RPIA: variants seen among roughly 807,000 people sequenced by gnomAD.
The protein encoded by RPIA is ribose 5-phosphate isomerase A.
In RPIA, 29 loss-of-function variants were observed where a neutral mutation model predicts 37.8. That is an observed-to-expected ratio of 0.77 (90% CI 0.57 to 1.05). The LOEUF (loss-of-function observed/expected upper bound fraction) is 1.05. RPIA is among the 50% of genes least tolerant of loss of function. The pLI is 0.00. For missense variants in RPIA, 385 were observed against 413.6 expected, an observed-to-expected ratio of 0.93 and a Z score of 0.60; for synonymous variants, 167 against 157.0, an observed-to-expected ratio of 1.06 and a Z score of -0.48.
At chr2:88,713,205 A>G (rs1553420217) in intron 3 of RPIA, among the ~76,000 whole-genome samples, 1 of 107,420 alleles carries the variant, frequency 9.3e-6, no homozygotes, top group Non-Finnish European at 1.7e-5. Flanking sequence ...ACTGTCACCC[A>G]CGCTGGAGTG....
chr2:88,716,104 G>T (rs1325289009), intron 3 of RPIA, among the ~76,000 whole-genome samples: 1 of 152,166 alleles, frequency 6.6e-6, no homozygotes, highest in Non-Finnish European at 1.5e-5. Context: ...ATCCATATCT[G>T]ATTGCTTCCT....
chr2:88,711,687 C>T (rs1282740963), intron 3 of RPIA, among the ~76,000 whole-genome samples: 3 of 152,146 alleles, frequency 2.0e-5, no homozygotes, highest in Non-Finnish European at 4.4e-5. Context: ...TTTTTCCCTA[C>T]AAGAGACAGC....
chr2:88,746,703 T>A (rs1203709667), intron 8 of RPIA, among the ~76,000 whole-genome samples: 2 of 152,082 alleles, frequency 1.3e-5, no homozygotes, highest in African/African-American at 4.8e-5. Context: ...CTGGTTGTAT[T>A]TTTGTTTAGT....
At chr2:88,693,709 T>G (rs1676975594) in intron 1 of RPIA, among the ~76,000 whole-genome samples, 2 of 152,214 alleles carry the variant, frequency 1.3e-5, no homozygotes, top group African/African-American at 4.8e-5. Flanking sequence ...ACGAAAGTGT[T>G]GGGGTTATTG....
intron 1 of RPIA, among the ~76,000 whole-genome samples, chr2:88,694,044 A>G (rs1676980253): frequency 1.3e-5 from 2 of 152,242 alleles, no homozygotes; most frequent in Non-Finnish European, 2.9e-5. Context: ...CAGAAGTAGT[A>G]TTTCCAAAGT....
chr2:88,739,318 C>G (rs557030449), intron 8 of RPIA, among the ~76,000 whole-genome samples: 3 of 152,312 alleles, frequency 2.0e-5, no homozygotes, highest in African/African-American at 7.2e-5. Context: ...CAGCTGTGCT[C>G]TGGCGTGTTA....
intron 3 of RPIA, among the ~76,000 whole-genome samples, chr2:88,702,008 T>G (rs1430274011): frequency 2.0e-5 from 3 of 152,256 alleles, no homozygotes; most frequent in Non-Finnish European, 4.4e-5. Context: ...ACATAGATTT[T>G]GATAGTCTGT....
chr2:88,738,951 T>A (rs1673350516), intron 8 of RPIA, among the ~76,000 whole-genome samples: 1 of 152,130 alleles, frequency 6.6e-6, no homozygotes, highest in African/African-American at 2.4e-5. Flanking sequence ...AGAGGCTGTG[T>A]GAAATGAACA....
At chr2:88,697,492 G>A (rs746299784) in intron 1 of RPIA, among the ~76,000 whole-genome samples, 1 of 152,198 alleles carries the variant, frequency 6.6e-6, no homozygotes, top group Non-Finnish European at 1.5e-5. Flanking sequence ...TAGTACCCTG[G>A]CCTCGTTTTG....
chr2:88,717,573 G>C (rs972764726), intron 3 of RPIA, among the ~76,000 whole-genome samples: 6 of 152,208 alleles, frequency 3.9e-5, no homozygotes, highest in Non-Finnish European at 8.8e-5. Context: ...GCAGTGAGCA[G>C]AGGGGTGACT....
Position 88,691,928 on chromosome 2 carries a change from A to T in RPIA, c.230A>T (p.Lys77Met). 1 of 1,597,428 alleles carries T rather than the reference A, an allele frequency of 6.3e-7. No individual in the cohort carries two copies. The highest frequency in any genetic ancestry group is 8.5e-7 in the Non-Finnish European group (1 of 1,172,770). ...SICPAPSTMSKAEEAKKLAGR... is the reference protein window; with the variant it reads ...SICPAPSTMSMAEEAKKLAGR... ...TGCCCGGCCCCCTCCACGATGTCCA[A>T]GGCCGAGGAGGCCAAGAAGCTGGCG... is the stretch of plus-strand genomic sequence containing the variant. The change falls in exon 1 of 9, where the codon AAG becomes ATG. Residue 77 changes from lysine (K) to methionine (M), a missense_variant. Lys to Met is a moderately conservative substitution (Grantham distance 95). Around this residue, in one of 2 missense-constraint regions of RPIA, gnomAD observed 232 missense variants for 203.0 expected, o/e 1.14. Transcript: ENST00000283646.
At chr2:88,697,626 C>T (rs1672767835) in intron 1 of RPIA, among the ~76,000 whole-genome samples, 1 of 152,126 alleles carries the variant, frequency 6.6e-6, no homozygotes, top group South Asian at 2.1e-4. Context: ...GTTTGGTCTG[C>T]TTGTAGGTAG....
At chr2:88,720,375 G>T (rs542999484) in intron 3 of RPIA, among the ~76,000 whole-genome samples, 137 of 152,112 alleles carry the variant, frequency 9.0e-4, no homozygotes, top group African/African-American at 3.2e-3. Flanking sequence ...AGAATATTAT[G>T]TTGGAAGAAA....
In RPIA at chr2:88,695,455, A is replaced by G. The variant is rs150754164; in HGVS notation, c.286-3029A>G. On this transcript the variant is annotated intron_variant, in intron 1 of 8. Transcript: ENST00000283646. ...GCTTGGGATACGGGGAGAAATCCCC[A>G]TACATTTGATCACAGAAGTCTTCTG... 6.6e-5 allele frequency among the ~76,000 whole-genome samples: 10 copies of G among 152,374 alleles called. No individual in the cohort carries two copies. In the East Asian group the frequency reaches 7.7e-4, roughly 12 times the overall value.
At chr2:88,729,478 G>A in intron 4 of RPIA, 141 bp downstream of exon 4, 3 of 869,342 alleles carry the variant, frequency 3.5e-6, no homozygotes, top group South Asian at 2.8e-5. Context: ...CTGGGACCTT[G>A]AGTATTAATT....
chr2:88,729,249 T>C, intron 3 of RPIA, 29 bp from the exon 4 acceptor site: 1 of 1,611,192 alleles, frequency 6.2e-7, no homozygotes, highest in Middle Eastern at 1.7e-4. Context: ...AAGTAAATGA[T>C]CGTGGTTGCT....
intron 3 of RPIA, among the ~76,000 whole-genome samples, chr2:88,712,607 A>C (rs1437960102): frequency 6.6e-6 from 1 of 152,186 alleles, no homozygotes; most frequent in East Asian, 1.9e-4. Flanking sequence ...GTAACTGTGC[A>C]AGAACCACAC....
intron 8 of RPIA, among the ~76,000 whole-genome samples, chr2:88,744,703 T>A (rs1335321990): frequency 6.6e-6 from 1 of 152,210 alleles, no homozygotes; most frequent in African/African-American, 2.4e-5. Flanking sequence ...ATATTTAGAA[T>A]TGTGATATTT....
intron 3 of RPIA, among the ~76,000 whole-genome samples, chr2:88,712,628 G>C (rs932103799): frequency 6.6e-6 from 1 of 152,302 alleles, no homozygotes; most frequent in East Asian, 1.9e-4. Flanking sequence ...AGTGTGTTAT[G>C]TATGATTACT....
Sources: allele counts gnomAD v4.1 joint callset (sites outside exome capture counted in the v4.1 genomes callset), GRCh38; gene constraint gnomAD v4.1.1; regional missense constraint gnomAD v4.1.1; transcripts MANE v1.5; gene names NCBI Gene and HGNC (gene_info 2026-07-23, HGNC 2026-07-21).